Variants in FOXRED2 observed in about 807,000 individuals in gnomAD.
The protein encoded by FOXRED2 is FAD-dependent oxidoreductase domain-containing protein 2.
A neutral mutation model predicts 52.5 loss-of-function variants in FOXRED2; 32 were observed. The ratio of observed to expected loss-of-function variants is 0.61; its 90% CI spans 0.46 to 0.82. The LOEUF is 0.82. Among genes scored for constraint, FOXRED2 ranks in the 40% least tolerant of loss-of-function variants. FOXRED2 has a pLI of 0.00. For missense variants in FOXRED2, 848 were observed against 937.5 expected, an observed-to-expected ratio of 0.90 and a Z score of 1.25; for synonymous variants, 405 against 398.1, an observed-to-expected ratio of 1.02 and a Z score of -0.21.
chr22:36,493,299 C>G (rs575246226), intron 8 of FOXRED2, among the ~76,000 whole-genome samples: 44 of 152,240 alleles, frequency 2.9e-4, no homozygotes, highest in African/African-American at 1.1e-3. Flanking sequence ...ATTAGTTGGG[C>G]ATGGTGGCAT....
At position 36,493,769 on chromosome 22, in the gene FOXRED2, G is replaced by A. The variant is rs138563338; in HGVS notation, c.1659C>T (p.Pro553=). The change falls in exon 8 of 9, where the codon CCC becomes CCT. Residue 553 remains proline, a synonymous_variant. Transcript: ENST00000397224. ...QEVRFRPAHW[P]LPRPTAIHHI... ...GATGGATGGCCGTGGGCCGAGGCAG[G>A]GGCCAGTGTGCAGGGCGGAACCTCA... The A allele has an allele frequency of 7.3e-3, 11,827 of 1,614,228 alleles. 67 individuals carry two copies. Among genetic ancestry groups the A allele is most frequent in the Middle Eastern group, 0.016 (95 of 6,062 alleles).
chr22:36,502,477 C>A (rs1382257215), intron 4 of FOXRED2, among the ~76,000 whole-genome samples: 1 of 152,098 alleles, frequency 6.6e-6, no homozygotes, highest in African/African-American at 2.4e-5. Flanking sequence ...CAAGTACTTT[C>A]TTTATTTTAA....
chr22:36,496,334 A>G (rs2079706789), intron 6 of FOXRED2, 126 bp from the exon 7 acceptor site: 1 of 1,158,270 alleles, frequency 8.6e-7, no homozygotes, highest in Non-Finnish European at 1.2e-6. Flanking sequence ...CAAGCAGCAC[A>G]CCCCTCACTT....
chr22:36,490,144 A>G lies in FOXRED2; in HGVS notation c.1919T>C (p.Leu640Pro). The G allele has an allele frequency of 6.2e-7, 1 of 1,614,054 alleles. No homozygotes were observed. ...SLWQHRVESR[L>P]LRDYAPTGRR... ...GCCTGTGGGGGCATAGTCCCGCAGG[A>G]GCCTGCTCTCCACTCTGTGCTGCCA... The change falls in exon 9 of 9, where the codon CTC becomes CCC. Residue 640 changes from leucine (L) to proline (P), a missense_variant. Coordinates refer to ENST00000397224, the MANE Select transcript of FOXRED2 (RefSeq NM_001102371.2).
chr22:36,506,406 G>A lies in FOXRED2; in HGVS notation c.17C>T (p.Ala6Val), dbSNP rs1934202200. 1.4e-6 allele frequency: 2 copies of A among 1,436,812 alleles called. No homozygotes were observed. Among genetic ancestry groups the A allele is most frequent in the South Asian group, 1.5e-5 (1 of 68,086 alleles). 89.0% of individuals were successfully genotyped at this position (1,436,812 alleles called of 1,614,324 possible). A position where few individuals can be genotyped will look rare whatever the true frequency, so the allele number is the denominator to read the frequency against. The change falls in exon 2 of 9, where the codon GCG becomes GTG. Residue 6 changes from alanine to valine, a missense_variant. By Grantham distance (64) the Ala-to-Val change is moderately conservative (BLOSUM62 0). Transcript: ENST00000397224. Reference protein sequence around the residue: MGLSAAAPLWGPPGLL... With the variant: MGLSAVAPLWGPPGLL... ...CCCCGGGGGACCCCACAACGGGGCC[G>A]CAGCGGAGAGGCCCATCCTGCAGCA...
In FOXRED2 at chr22:36,496,218, C is replaced by A; in HGVS notation, c.1383-10G>T. Reference sequence around the variant, plus strand: ...AAAGGCCGTGGAATTCCTGGGAGAACAGCAACGCGGGGGAGGCCCTCAGTG... The same window carrying A: ...AAAGGCCGTGGAATTCCTGGGAGAAAAGCAACGCGGGGGAGGCCCTCAGTG... On this transcript the variant is annotated splice_polypyrimidine_tract_variant and intron_variant, in intron 6 of 8. Transcript: ENST00000397224. 1.9e-6 allele frequency: 3 copies of A among 1,613,102 alleles called. No individual in the cohort carries two copies. The highest frequency in any genetic ancestry group is 2.2e-5 in the East Asian group (1 of 44,890).
intron 8 of FOXRED2, among the ~76,000 whole-genome samples, chr22:36,492,037 G>A (rs1296004399): frequency 6.6e-6 from 1 of 152,110 alleles, no homozygotes; most frequent in Non-Finnish European, 1.5e-5. Flanking sequence ...ATGTCGTGAG[G>A]CTTCCATGGG....
At chr22:36,495,896 G>A in intron 7 of FOXRED2, 71 bp downstream of exon 7, 10 of 1,550,784 alleles carry the variant, frequency 6.4e-6, no homozygotes, top group African/African-American at 1.4e-5. Flanking sequence ...AGGTTTCAGG[G>A]TGGGTGACAA....
chr22:36,504,449 G>C lies in FOXRED2; in HGVS notation c.779+66C>G, dbSNP rs1424258178. On this transcript the variant is annotated intron_variant, in intron 3 of 8. Transcript: ENST00000397224. ...CTGGGGTCAGGAAGGGCAGGGGAGG[G>C]TTGGGGAGGCTCTTTCCACACTCTG... is the stretch of plus-strand genomic sequence containing the variant. 5 of 1,607,622 alleles carry C rather than the reference G, an allele frequency of 3.1e-6. No homozygotes were observed. The East Asian group carries it at 1.1e-4, about 36-fold the overall frequency.
intron 3 of FOXRED2, 50 bp downstream of exon 3, chr22:36,504,465 C>G: frequency 6.2e-7 from 1 of 1,609,872 alleles, no homozygotes; most frequent in South Asian, 1.1e-5. Context: ...GAGGCTCTTT[C>G]CACACTCTGG....
intron 8 of FOXRED2, 65 bp downstream of exon 8, chr22:36,493,568 G>A (rs772881969): frequency 1.4e-6 from 2 of 1,437,802 alleles, no homozygotes; most frequent in Non-Finnish European, 1.9e-6. Context: ...CACGGGTCTT[G>A]GGTCTCTGTG....
rs752883321 is a variant in FOXRED2, at chr22:36,504,580, A to C, written c.714T>G (p.Phe238Leu). ...CCCGGGAGCGGCTGAGCATATGGAT[A>C]AAGTTTGTGACACCCAAGATGTTCT... ...TAENILGVTN[F>L]IHMLSRSRVR... Residue 238 changes from phenylalanine to leucine, a missense_variant, in exon 3 of 9, where the codon TTT (phenylalanine) becomes TTG (leucine). Physicochemically the swap from Phe to Leu is conservative, Grantham distance 22 (BLOSUM62 0). Coordinates refer to ENST00000397224, the MANE Select transcript of FOXRED2 (RefSeq NM_001102371.2). 1 of 1,614,070 alleles carries C rather than the reference A, an allele frequency of 6.2e-7. No individual in the cohort carries two copies.
At chr22:36,501,499 C>A (rs922903427) in intron 4 of FOXRED2, 92 bp from the exon 5 acceptor site, 7 of 1,313,482 alleles carry the variant, frequency 5.3e-6, no homozygotes, top group Admixed American at 1.9e-5. Context: ...TCGCTCTTGT[C>A]GCCCAGGTTA....
chr22:36,500,566 T>A (rs2145852266), intron 5 of FOXRED2, among the ~76,000 whole-genome samples: 1 of 151,406 alleles, frequency 6.6e-6, no homozygotes, highest in East Asian at 1.9e-4. Flanking sequence ...GAAAAAGAAC[T>A]GATATAATCC....
chr22:36,487,925 C>G lies in FOXRED2; in HGVS notation c.*2083G>C, dbSNP rs1332441938. 6.6e-6 allele frequency: 1 copy of G among 152,050 alleles called. No individual in the cohort carries two copies. Among genetic ancestry groups the G allele is most frequent in the East Asian group, 1.9e-4 (1 of 5,176 alleles). 9.4% of individuals were successfully genotyped at this position (152,050 alleles called of 1,614,324 possible). On this transcript the variant is annotated 3_prime_UTR_variant, in exon 9 of 9. Coordinates refer to ENST00000397224, the MANE Select transcript of FOXRED2 (RefSeq NM_001102371.2). ...TGGCCAATGTGGTGAAACCCTGTCT[C>G]TACTAAAAATACAAAAATTAGCTGG...
chr22:36,496,181 C>G lies in FOXRED2; in HGVS notation c.1410G>C (p.Glu470Asp). ...GGGCCAGCATCTGTATGGGGAACTCCTCCAGGTACTCAAAGGCCGTGGAAT... is the reference window on the plus strand; with the variant it reads ...GGGCCAGCATCTGTATGGGGAACTCGTCCAGGTACTCAAAGGCCGTGGAAT... ...KENSTAFEYL[E>D]EFPIQMLAQL... The change falls in exon 7 of 9, where the codon GAG (glutamate) becomes GAC (aspartate). Residue 470 changes from glutamate (E) to aspartate (D), a missense_variant. Physicochemically the swap from Glu to Asp is conservative, Grantham distance 45. Transcript: ENST00000397224. 1 of 1,613,976 alleles carries G rather than the reference C, an allele frequency of 6.2e-7. No homozygotes were observed. Among genetic ancestry groups the G allele is most frequent in the Non-Finnish European group, 8.5e-7 (1 of 1,180,030 alleles).
In FOXRED2 at chr22:36,504,151, A is replaced by G; in HGVS notation, c.996T>C (p.Tyr332=). ...AGCCCAGGCAGCGGATTACCCGGTC[A>G]TAGGGCACGCGCATGGCAAAGTTGT... The part of the protein sequence containing the change: ...DNDNFAMRVP[Y]DRVIRCLGWN... The change falls in exon 4 of 9, where the codon TAT becomes TAC. Residue 332 remains tyrosine, a synonymous_variant. Transcript: ENST00000397224. The G allele has an allele frequency of 6.2e-7, 1 of 1,614,266 alleles. No homozygotes were observed. Among genetic ancestry groups the G allele is most frequent in the Non-Finnish European group, 8.5e-7 (1 of 1,180,048 alleles).
chr22:36,504,316 C>T lies in FOXRED2; in HGVS notation c.831G>A (p.Gly277=), dbSNP rs761036138. 6.2e-7 allele frequency: 1 copy of T among 1,614,154 alleles called. No homozygotes were observed. Among genetic ancestry groups the T allele is most frequent in the South Asian group, 1.1e-5 (1 of 91,086 alleles). ...LDTYQLKSLD[G]LLESDLTDLA... Reference sequence around the variant, plus strand: ...GATCCGTCAGGTCAGACTCGAGCAGCCCGTCCAGGGACTTGAGCTGGTAGG... The same window carrying T: ...GATCCGTCAGGTCAGACTCGAGCAGTCCGTCCAGGGACTTGAGCTGGTAGG... Residue 277 remains glycine (G), a synonymous_variant, in exon 4 of 9, where the codon GGG becomes GGA. Transcript: ENST00000397224.
intron 3 of FOXRED2, 56 bp downstream of exon 3, chr22:36,504,459 C>T: frequency 1.2e-6 from 2 of 1,609,210 alleles, no homozygotes; most frequent in Non-Finnish European, 1.7e-6. Flanking sequence ...GTTGGGGAGG[C>T]TCTTTCCACA....
Sources: allele counts gnomAD v4.1 joint callset (sites outside exome capture counted in the v4.1 genomes callset), GRCh38; gene constraint gnomAD v4.1.1; transcripts MANE v1.5; gene names NCBI Gene and HGNC (gene_info 2026-07-23, HGNC 2026-07-21).